The following C1GALT1 variants were observed in gnomAD, a reference collection of about 807,000 sequenced individuals.
C1GALT1 encodes glycoprotein-N-acetylgalactosamine 3-beta-galactosyltransferase 1.
In C1GALT1, 11 loss-of-function variants were observed where a neutral mutation model predicts 31.0. The ratio of observed to expected loss-of-function variants is 0.36; its 90% CI spans 0.22 to 0.59. The LOEUF is 0.59. Among genes scored for constraint, C1GALT1 ranks in the 20% least tolerant of loss-of-function variants. The probability of loss-of-function intolerance (pLI) is 0.79; values close to 1 mark genes in which losing one functional copy is unlikely to be tolerated. For missense variants in C1GALT1, 424 were observed against 425.2 expected, an observed-to-expected ratio of 1.00 and a Z score of 0.03; for synonymous variants, 175 against 143.6, an observed-to-expected ratio of 1.22 and a Z score of -1.56.
chr7:7,238,941 T>C lies in C1GALT1; in HGVS notation c.888+19T>C. 6.4e-7 allele frequency: 1 copy of C among 1,572,786 alleles called. No individual in the cohort carries two copies. The highest frequency in any genetic ancestry group is 8.7e-7 in the Non-Finnish European group (1 of 1,154,652). On this transcript the variant is annotated intron_variant, in intron 3 of 3. Transcript: ENST00000436587. The surrounding 1 kb of genome is among the most constrained non-coding windows in gnomAD (Gnocchi z 5.2). ...TGTAGAGGTAAGTTTAGAAATTTTA[T>C]TACTATGTCAATACTTGGACTGACT...
chr7:7,197,559 C>T (rs531881011), intron 1 of C1GALT1, among the ~76,000 whole-genome samples: 8 of 151,756 alleles, frequency 5.3e-5, no homozygotes, highest in African/African-American at 1.5e-4. Flanking sequence ...TTTAAAGTAG[C>T]TTTTTCCAAT....
At chr7:7,203,385 T>C (rs1319928999) in intron 1 of C1GALT1, among the ~76,000 whole-genome samples, 2 of 152,124 alleles carry the variant, frequency 1.3e-5, no homozygotes, top group Non-Finnish European at 2.9e-5. Flanking sequence ...TTCTCGTGAG[T>C]GTTTATATCA....
chr7:7,208,620 A>G (rs1781858581), intron 1 of C1GALT1, among the ~76,000 whole-genome samples: 1 of 152,168 alleles, frequency 6.6e-6, no homozygotes, highest in Non-Finnish European at 1.5e-5. Flanking sequence ...CCTCAGCTAG[A>G]GGGGGAGGGG....
chr7:7,210,281 G>A (rs183877438), intron 1 of C1GALT1, among the ~76,000 whole-genome samples: 192 of 152,170 alleles, frequency 1.3e-3, no homozygotes, highest in African/African-American at 4.1e-3. Flanking sequence ...GGAGACTTGG[G>A]GAGCTTGATT....
At chr7:7,190,634 C>G in intron 1 of C1GALT1, among the ~76,000 whole-genome samples, 1 of 152,010 alleles carries the variant, frequency 6.6e-6, no homozygotes, top group Non-Finnish European at 1.5e-5. Flanking sequence ...TTTGTCTCTT[C>G]CCCTTCCCCA....
chr7:7,181,607 T>C (rs1336723992), upstream of C1GALT1, among the ~76,000 whole-genome samples: 1 of 151,758 alleles, frequency 6.6e-6, no homozygotes, highest in Non-Finnish European at 1.5e-5. Context: ...TGTATATTAT[T>C]ATTTGTCTCA....
intron 1 of C1GALT1, among the ~76,000 whole-genome samples, chr7:7,229,602 C>A (rs1487466681): frequency 1.3e-5 from 2 of 151,986 alleles, no homozygotes. Flanking sequence ...AAATTTCAAA[C>A]CAAGATTTCT....
In C1GALT1 at chr7:7,238,403, A is replaced by T. The variant is rs780891272; in HGVS notation, c.369A>T (p.Ser123=). The T allele has an allele frequency of 6.2e-7, 1 of 1,613,984 alleles. No individual in the cohort carries two copies. Among genetic ancestry groups the T allele is most frequent in the East Asian group, 2.2e-5 (1 of 44,890 alleles). Residue 123 remains serine (S), a synonymous_variant, in exon 3 of 4, where the codon TCA becomes TCT. Coordinates refer to ENST00000436587, the MANE Select transcript of C1GALT1 (RefSeq NM_020156.5). This position sits in a 1 kb window ranked among gnomAD's most constrained non-coding sequence, Gnocchi z 5.2. ...GTAACAAAGTGTTGTTTATGAGTTC[A>T]GAAGAAAATAAAGACTTCCCTGCTG... ...QRCNKVLFMS[S]EENKDFPAVG...
intron 1 of C1GALT1, among the ~76,000 whole-genome samples, chr7:7,228,800 C>T (rs10259085): frequency 0.55 from 82,993 of 152,020 alleles, 24,494 homozygotes; most frequent in African/African-American, 0.77. Context: ...AAAACAATTA[C>T]GTAACACCAA....
chr7:7,192,862 T>C (rs1196078756), intron 1 of C1GALT1, among the ~76,000 whole-genome samples: 2 of 152,150 alleles, frequency 1.3e-5, no homozygotes, highest in Non-Finnish European at 2.9e-5. Flanking sequence ...AGGAGTAAGG[T>C]GGTATTGCAT....
chr7:7,219,151 T>C (rs541005303), intron 1 of C1GALT1, among the ~76,000 whole-genome samples: 1 of 152,324 alleles, frequency 6.6e-6, no homozygotes, highest in African/African-American at 2.4e-5. Context: ...AAATAGTTAT[T>C]TTTCATAAAA....
At chr7:7,206,491 T>A (rs1781745025) in intron 1 of C1GALT1, among the ~76,000 whole-genome samples, 1 of 151,964 alleles carries the variant, frequency 6.6e-6, no homozygotes, top group South Asian at 2.1e-4. Context: ...CTGACCAACA[T>A]GGAGAAACCC....
intron 1 of C1GALT1, 74 bp from the exon 2 acceptor site, chr7:7,234,229 G>T (rs1406261717): frequency 3.6e-6 from 4 of 1,098,612 alleles, no homozygotes; most frequent in Non-Finnish European, 5.3e-6. Context: ...ATAGCTAAAT[G>T]TTACCAGAAT....
chr7:7,200,682 G>T (rs1173555903), intron 1 of C1GALT1, among the ~76,000 whole-genome samples: 2 of 152,104 alleles, frequency 1.3e-5, no homozygotes, highest in Non-Finnish European at 1.5e-5. Context: ...TTTCTTGGAG[G>T]CTTTGTTCGT....
intron 1 of C1GALT1, among the ~76,000 whole-genome samples, chr7:7,189,225 C>G (rs759500074): frequency 2.0e-5 from 3 of 152,056 alleles, no homozygotes; most frequent in Non-Finnish European, 4.4e-5. Flanking sequence ...AGACAGACGT[C>G]TTATGGTTAT....
chr7:7,209,563 C>T (rs1046994354), intron 1 of C1GALT1: 2 of 152,206 alleles, frequency 1.3e-5, no homozygotes, highest in African/African-American at 4.8e-5. Context: ...TAATCTGCTT[C>T]CAGGTATGTC....
chr7:7,199,436 C>T (rs1781440998), intron 1 of C1GALT1, among the ~76,000 whole-genome samples: 1 of 152,140 alleles, frequency 6.6e-6, no homozygotes, highest in South Asian at 2.1e-4. Flanking sequence ...TTTACATTTG[C>T]TGAGGAGTGC....
At chr7:7,227,069 CTTAA>C (rs1333963163) in intron 1 of C1GALT1, among the ~76,000 whole-genome samples, 1 of 151,956 alleles carries the variant, frequency 6.6e-6, no homozygotes, top group African/African-American at 2.4e-5. Context: ...GTAAACTTTT[CTTAA>C]TTTTTAGAGG....
rs1484719718 is a variant in C1GALT1, at chr7:7,234,332, T to A, written c.13T>A (p.Ser5Thr). MASKSWLNFLTFLCG... is the reference protein window; with the variant it reads MASKTWLNFLTFLCG... ...ACACTTTCGGGAAATGGCCTCTAAA[T>A]CCTGGCTGAATTTTTTAACCTTCCT... Residue 5 changes from serine to threonine, a missense_variant, in exon 2 of 4, where the codon TCC becomes ACC. Ser to Thr is a moderately conservative substitution (Grantham distance 58, BLOSUM62 1). Around this residue, in one of 3 missense-constraint regions of C1GALT1, gnomAD observed 189 missense variants for 158.2 expected, o/e 1.19. Transcript: ENST00000436587. The A allele has an allele frequency of 1.2e-6, 2 of 1,613,624 alleles. No individual in the cohort carries two copies. Among genetic ancestry groups the A allele is most frequent in the African/African-American group, 2.7e-5 (2 of 74,904 alleles).
Sources: gnomAD v4.1 joint callset for allele counts (sites outside exome capture counted in the v4.1 genomes callset) on GRCh38, gnomAD v4.1.1 for gene constraint, gnomAD v4.1.1 regional missense constraint, Gnocchi (gnomAD v3.1) non-coding constraint, MANE v1.5 for transcripts, NCBI Gene and HGNC (gene_info 2026-07-23, HGNC 2026-07-21) for gene names.